Variants in KDELR3 observed in about 807,000 individuals in gnomAD.
The protein encoded by KDELR3 is ER lumen protein-retaining receptor 3.
Under a neutral mutation model 22.7 loss-of-function variants are expected in KDELR3, and 26 were observed. The observed-to-expected ratio is 1.15, with a 90% CI of 0.84 to 1.59. The LOEUF (loss-of-function observed/expected upper bound fraction) is 1.59. Ranked by LOEUF, KDELR3 falls within the 40% of genes most tolerant of loss-of-function variation. The pLI is 0.00. For missense variants in KDELR3, 289 were observed against 251.1 expected (o/e 1.15, Z -1.02); for synonymous variants, 120 against 98.2 (o/e 1.22, Z -1.31).
chr22:38,474,653 A>G (rs2089546341), intron 2 of KDELR3, 30 bp downstream of exon 2: 1 of 1,541,372 alleles, frequency 6.5e-7, no homozygotes, highest in Non-Finnish European at 9.0e-7. Flanking sequence ...TGGTTGGGGG[A>G]AGCCACCAAG....
In KDELR3 at chr22:38,482,590, A is replaced by C. The variant is rs2089612388; in HGVS notation, c.*54A>C. ...CAAGCACATGAAGGAAACTATTTTG[A>C]ATGTTCTCTTTGGCAACTTATCCAT... On this transcript the variant is annotated 3_prime_UTR_variant, in exon 5 of 5. Coordinates refer to ENST00000216014, the MANE Select transcript of KDELR3 (RefSeq NM_006855.4). 1 of 1,465,876 alleles carries C rather than the reference A, an allele frequency of 6.8e-7. No homozygotes were observed. Among genetic ancestry groups the C allele is most frequent in the Admixed American group, 1.7e-5 (1 of 57,708 alleles). The allele number at this position is 1,465,876 out of a possible 1,614,324, so 90.8% of individuals were successfully genotyped here.
At chr22:38,480,440 G>A (rs2145970310) in intron 3 of KDELR3, among the ~76,000 whole-genome samples, 1 of 152,194 alleles carries the variant, frequency 6.6e-6, no homozygotes, top group East Asian at 1.9e-4. Context: ...CTGGCAACAT[G>A]ACTAGATTTT....
chr22:38,471,793 G>A lies in KDELR3; in HGVS notation c.92-2730G>A, dbSNP rs540952136. Among the ~76,000 whole-genome samples the A allele has an allele frequency of 2.0e-5, 3 of 152,042 alleles. No homozygotes were observed. The East Asian group carries it at 5.8e-4, about 29-fold the overall frequency. On this transcript the variant is annotated intron_variant, in intron 1 of 4. Transcript: ENST00000216014. ...AGCTTGGGCAACATGGCAAAATCTT[G>A]TCTCTAGAAAAAATATAAAAATTAG... is the stretch of plus-strand genomic sequence containing the variant.
Position 38,482,646 on chromosome 22 carries a change from G to C in KDELR3, c.*110G>C. 1.0e-6 allele frequency: 1 copy of C among 975,702 alleles called. No homozygotes were observed. Among genetic ancestry groups the C allele is most frequent in the Non-Finnish European group, 1.6e-6 (1 of 624,970 alleles). 60.4% of individuals were successfully genotyped at this position (975,702 alleles called of 1,614,324 possible). ...GGGATCAAATGTTAAAACCAGAAAA[G>C]TGTTTAGTGTGGATTTCAGCAAAAC... On this transcript the variant is annotated 3_prime_UTR_variant, in exon 5 of 5. Transcript: ENST00000216014.
chr22:38,481,142 A>T, intron 3 of KDELR3, 70 bp from the exon 4 acceptor site: 1 of 1,334,462 alleles, frequency 7.5e-7, no homozygotes, highest in Non-Finnish European at 1.0e-6. Flanking sequence ...TTGTTTTAGT[A>T]ATTATGTTCT....
intron 1 of KDELR3, among the ~76,000 whole-genome samples, chr22:38,471,595 C>G (rs921804831): frequency 6.6e-6 from 1 of 152,206 alleles, no homozygotes; most frequent in African/African-American, 2.4e-5. Context: ...GAATGTGAGA[C>G]CGAGGCTCGC....
intron 2 of KDELR3, 124 bp from the exon 3 acceptor site, chr22:38,479,469 T>C: frequency 1.1e-6 from 1 of 900,410 alleles, no homozygotes; most frequent in Non-Finnish European, 1.7e-6. Flanking sequence ...TGCAAACACA[T>C]TTAACCTCTT....
intron 2 of KDELR3, among the ~76,000 whole-genome samples, chr22:38,475,273 T>C (rs1029125166): frequency 5.3e-5 from 8 of 152,004 alleles, no homozygotes; most frequent in African/African-American, 1.9e-4. Context: ...CTCAGGAGTC[T>C]GAGACCAGCC....
In KDELR3 at chr22:38,478,397, T is replaced by C. The variant is rs1349002891; in HGVS notation, c.193-1196T>C. Among the ~76,000 whole-genome samples, 5 of 151,424 alleles carry C rather than the reference T, an allele frequency of 3.3e-5. No homozygotes were observed. The East Asian group carries it at 1.0e-3, about 30-fold the overall frequency. ...TAAAAATATAAAAATTAGCCGGGCA[T>C]GGTGGTGCACGCCTGTAATCCCAGC... is the stretch of plus-strand genomic sequence containing the variant. On this transcript the variant is annotated intron_variant, in intron 2 of 4. Coordinates refer to ENST00000216014, the MANE Select transcript of KDELR3 (RefSeq NM_006855.4).
intron 2 of KDELR3, among the ~76,000 whole-genome samples, chr22:38,477,273 G>A (rs1334760987): frequency 4.7e-5 from 7 of 147,376 alleles, no homozygotes; most frequent in South Asian, 2.2e-4. Context: ...GTGTGATCTC[G>A]GCTCATTGCA....
intron 1 of KDELR3, among the ~76,000 whole-genome samples, chr22:38,469,182 T>G (rs938428964): frequency 6.6e-6 from 1 of 152,012 alleles, no homozygotes; most frequent in African/African-American, 2.4e-5. Context: ...ATCCAGGAAG[T>G]GTGTGCTGTG....
In KDELR3 at chr22:38,481,201, C is replaced by T; in HGVS notation, c.352-11C>T. On this transcript the variant is annotated splice_polypyrimidine_tract_variant and intron_variant, in intron 3 of 4. Transcript: ENST00000216014. Reference sequence around the variant, plus strand: ...CTTGCTCAGTCTCTGGTTGCTTTCTCTTTGGCTCAGATCCTCTGGACTTTC... The same window carrying T: ...CTTGCTCAGTCTCTGGTTGCTTTCTTTTTGGCTCAGATCCTCTGGACTTTC... 1 of 1,608,684 alleles carries T rather than the reference C, an allele frequency of 6.2e-7. No homozygotes were observed.
chr22:38,472,046 C>CA lies in KDELR3; in HGVS notation c.92-2476dup, dbSNP rs1029228923. ...TTAGAGAAGGCACAGTTCAGGGGTA[C>CA]AGGGGAACCAGACCCTGAATTAGAC... On this transcript the variant is annotated intron_variant, in intron 1 of 4. Coordinates refer to ENST00000216014, the MANE Select transcript of KDELR3 (RefSeq NM_006855.4). Among the ~76,000 whole-genome samples the CA allele has an allele frequency of 1.4e-4, 21 of 152,240 alleles. 1 individual carries two copies. Among genetic ancestry groups the CA allele is most frequent in the Middle Eastern group, 6.8e-3 (2 of 294 alleles).
intron 2 of KDELR3, among the ~76,000 whole-genome samples, chr22:38,477,749 G>A (rs963233094): frequency 6.6e-6 from 1 of 152,168 alleles, no homozygotes; most frequent in African/African-American, 2.4e-5. Flanking sequence ...TGAATCTGAG[G>A]ACTGGAAATC....
In KDELR3 at chr22:38,468,256, G is replaced by C. The variant is rs1329815784; in HGVS notation, c.23G>C (p.Gly8Ala). MNVFRIL[G>A]DLSHLLAMIL... is the part of the protein sequence containing the mutation. The stretch of plus-strand genomic sequence containing the variant: ...ACCATGAACGTGTTCCGAATCCTCG[G>C]CGACCTGAGCCACCTCCTGGCCATG... Residue 8 changes from glycine (G) to alanine (A), a missense_variant, in exon 1 of 5, where the codon GGC (glycine) becomes GCC (alanine). Transcript: ENST00000216014. 3 of 1,613,888 alleles carry C rather than the reference G, an allele frequency of 1.9e-6. No homozygotes were observed. The highest frequency in any genetic ancestry group is 2.5e-6 in the Non-Finnish European group (3 of 1,179,964).
rs138429 is a variant in KDELR3 at position 38,477,074 on chromosome 22, CTTT to C, written c.192+2467_192+2469del. ...GATGTGTGCCACCATGCCTGGCTAA[CTTT>C]TTTTTTTTTTTTTTTGTATTTTTAA... On this transcript the variant is annotated intron_variant, in intron 2 of 4. Transcript: ENST00000216014. Among the ~76,000 whole-genome samples the C allele has an allele frequency of 2.9e-3, 361 of 124,522 alleles. 1 individual carries two copies. The highest frequency in any genetic ancestry group is 4.5e-3 in the Middle Eastern group (1 of 224). The allele number at this position is 124,522 out of a possible 152,430, so 81.7% of individuals were successfully genotyped here.
rs781349631 is a variant in KDELR3 at position 38,468,332 on chromosome 22, G to T, written c.91+8G>T. 2 of 1,612,946 alleles carry T rather than the reference G, an allele frequency of 1.2e-6. No homozygotes were observed. The highest frequency in any genetic ancestry group is 1.7e-6 in the Non-Finnish European group (2 of 1,179,388). Reference sequence around the variant, plus strand: ...GGTCCAAGTGCTGCAAGGGTGAGGGGCGCCTGGCAGGGAGGTGCGGGACCC... The same window carrying T: ...GGTCCAAGTGCTGCAAGGGTGAGGGTCGCCTGGCAGGGAGGTGCGGGACCC... On this transcript the variant is annotated splice_region_variant and intron_variant, in intron 1 of 4. Transcript: ENST00000216014.
At position 38,468,218 on chromosome 22, in the gene KDELR3, A is replaced by G; in HGVS notation, c.-16A>G. ...GAAGTTTGCTGGGCGCGGGCGCACG[A>G]CTGACTGGCTGGACCATGAACGTGT... On this transcript the variant is annotated 5_prime_UTR_variant, in exon 1 of 5. Transcript: ENST00000216014. The G allele has an allele frequency of 6.2e-7, 1 of 1,612,932 alleles. No homozygotes were observed.
intron 2 of KDELR3, among the ~76,000 whole-genome samples, chr22:38,476,146 G>C (rs1194928076): frequency 6.6e-6 from 1 of 151,986 alleles, no homozygotes; most frequent in Admixed American, 6.5e-5. Flanking sequence ...TGCCCAGGCT[G>C]GTCTCAAACC....
Sources: gnomAD v4.1 joint callset for allele counts (sites outside exome capture counted in the v4.1 genomes callset) on GRCh38, gnomAD v4.1.1 for gene constraint, MANE v1.5 for transcripts, NCBI Gene and HGNC (gene_info 2026-07-23, HGNC 2026-07-21) for gene names.